Variants in KIF1A observed in about 807,000 individuals in gnomAD.
The protein encoded by KIF1A is kinesin family member 1A, also known as kinesin-like protein KIF1A.
A neutral mutation model predicts 227.3 loss-of-function variants in KIF1A; 46 were observed. The observed-to-expected ratio is 0.20, with a 90% confidence interval of 0.16 to 0.26. KIF1A has a LOEUF of 0.26. Among genes scored for constraint, KIF1A ranks in the 10% least tolerant of loss-of-function variants. KIF1A has a pLI of 1.00. For synonymous variants in KIF1A, 1,022 were observed against 1,012.8 expected, an observed-to-expected ratio of 1.01 and a Z score of -0.17; for missense variants, 1,683 against 2,485.9, an observed-to-expected ratio of 0.68 and a Z score of 6.87.
intron 38 of KIF1A, among the ~76,000 whole-genome samples, chr2:240,730,389 A>T (rs954973466): frequency 1.3e-5 from 2 of 152,142 alleles, no homozygotes; most frequent in Non-Finnish European, 2.9e-5. Flanking sequence ...AAACTGGAGG[A>T]TGTGGGCTGG....
rs2125874702 is a variant in KIF1A, at chr2:240,758,341, G to A, written c.2582+19C>T. On this transcript the variant is annotated intron_variant, in intron 26 of 48. Coordinates refer to ENST00000498729, the MANE Select transcript of KIF1A (RefSeq NM_001244008.2). This position sits in a 1 kb window ranked among gnomAD's most constrained non-coding sequence, Gnocchi z 5.2. ...TCTCTCAATCTCTCTCTCTGCCAAG[G>A]AAGGGAGGAGGCGCCCACCTGCCCA... is the stretch of plus-strand genomic sequence containing the variant. The A allele has an allele frequency of 5.0e-6, 8 of 1,604,548 alleles. No homozygotes were observed. The highest frequency in any genetic ancestry group is 6.8e-6 in the Non-Finnish European group (8 of 1,175,426).
intron 28 of KIF1A, among the ~76,000 whole-genome samples, chr2:240,748,321 C>T (rs536849103): frequency 5.9e-5 from 9 of 152,276 alleles, no homozygotes; most frequent in African/African-American, 1.9e-4. Context: ...TTGCACTGAG[C>T]TTGAACTCGG....
chr2:240,731,119 G>C (rs2046549942), intron 38 of KIF1A, among the ~76,000 whole-genome samples: 1 of 152,252 alleles, frequency 6.6e-6, no homozygotes, highest in Non-Finnish European at 1.5e-5. Context: ...GATCCACACA[G>C]AGACAGGAGA....
At chr2:240,794,101 A>T (rs2056083669) in intron 2 of KIF1A, among the ~76,000 whole-genome samples, 1 of 152,148 alleles carries the variant, frequency 6.6e-6, no homozygotes. Context: ...GTCTGGGGGC[A>T]GGTCAGCCCT....
intron 32 of KIF1A, among the ~76,000 whole-genome samples, chr2:240,744,818 G>C (rs748013440): frequency 6.6e-6 from 1 of 151,960 alleles, no homozygotes; most frequent in African/African-American, 2.4e-5. Flanking sequence ...GAGTCTCCAG[G>C]TTATCACCCC....
At chr2:240,756,774 G>A (rs1048528757) in intron 27 of KIF1A, among the ~76,000 whole-genome samples, 22 of 152,224 alleles carry the variant, frequency 1.4e-4, no homozygotes, top group Middle Eastern at 3.2e-3. Flanking sequence ...AAAGAGAGTG[G>A]AGAGCACTGA....
intron 28 of KIF1A, among the ~76,000 whole-genome samples, chr2:240,748,906 A>G (rs1384478759): frequency 6.6e-6 from 1 of 152,136 alleles, no homozygotes; most frequent in Non-Finnish European, 1.5e-5. Flanking sequence ...AGATTACTTG[A>G]GGTCAGGAGT....
intron 1 of KIF1A, among the ~76,000 whole-genome samples, chr2:240,808,219 C>T (rs2057580182): frequency 1.3e-5 from 2 of 151,798 alleles, no homozygotes; most frequent in South Asian, 4.2e-4. Context: ...CTGTCATTAT[C>T]TGCAGACCAT....
chr2:240,787,626 C>G (rs762232705), intron 4 of KIF1A, among the ~76,000 whole-genome samples: 3 of 152,332 alleles, frequency 2.0e-5, no homozygotes, highest in South Asian at 4.1e-4. Context: ...CAACTCACGT[C>G]CAGAGACCTG....
At chr2:240,800,704 G>A (rs1282125037) in intron 1 of KIF1A, among the ~76,000 whole-genome samples, 1 of 152,172 alleles carries the variant, frequency 6.6e-6, no homozygotes, top group Non-Finnish European at 1.5e-5. Context: ...CAAATTCTGA[G>A]GATATGAGAG....
At position 240,757,560 on chromosome 2, in the gene KIF1A, G is replaced by A. The variant is rs2050011882; in HGVS notation, c.2617C>T (p.Leu873Phe). ...ATGCGCTCGCTCATGCATGTGTTGA[G>A]AAGAGGGTAGCTGTTGCAGCCAGAG... ...AISGCNSYPL[L>F]NTCMSERMAA... The change falls in exon 27 of 49, where the codon CTC becomes TTC. Residue 873 changes from leucine to phenylalanine, a missense_variant. Around this residue, in one of 12 missense-constraint regions of KIF1A, gnomAD observed 759 missense variants for 1,020.2 expected, o/e 0.74. Transcript: ENST00000498729. This position sits in a 1 kb window ranked among gnomAD's most constrained non-coding sequence, Gnocchi z 6.2. 1.9e-6 allele frequency: 3 copies of A among 1,548,814 alleles called. No individual in the cohort carries two copies. Among genetic ancestry groups the A allele is most frequent in the African/African-American group, 2.7e-5 (2 of 72,984 alleles).
At chr2:240,761,522 G>A (rs1291882148) in intron 23 of KIF1A, 145 bp from the exon 24 acceptor site, 2 of 662,990 alleles carry the variant, frequency 3.0e-6, no homozygotes, top group Non-Finnish European at 4.6e-6. Flanking sequence ...CGGCCGGGTG[G>A]TTATCAGGTA....
chr2:240,750,750 G>T (rs1040947063), intron 27 of KIF1A, among the ~76,000 whole-genome samples: 1 of 152,192 alleles, frequency 6.6e-6, no homozygotes, highest in African/African-American at 2.4e-5. Flanking sequence ...GAGGTGGAGG[G>T]ACAGAGAGGA....
intron 10 of KIF1A, among the ~76,000 whole-genome samples, chr2:240,780,060 G>A (rs1355100713): frequency 6.6e-6 from 1 of 151,952 alleles, no homozygotes; most frequent in Admixed American, 6.6e-5. Flanking sequence ...GGGGGCTCAC[G>A]TGGCTCCTCT....
intron 8 of KIF1A, 48 bp from the exon 9 acceptor site, chr2:240,783,157 G>A (rs374610417): frequency 6.4e-5 from 92 of 1,442,722 alleles, no homozygotes; most frequent in African/African-American, 1.4e-5. Flanking sequence ...GACCCGTGGG[G>A]CCTCCTGCTC....
In KIF1A at chr2:240,736,497, C is replaced by T. The variant is rs560477003; in HGVS notation, c.4007+566G>A. On this transcript the variant is annotated intron_variant, in intron 38 of 48. Transcript: ENST00000498729. This position sits in a 1 kb window ranked among gnomAD's most constrained non-coding sequence, Gnocchi z 4.7. ...CCCATCCCCTAACCCCAGCAGACCC[C>T]GATAGGGCTGCCACAGACATCCCAG... Among the ~76,000 whole-genome samples the T allele has an allele frequency of 1.1e-3, 165 of 152,306 alleles. No homozygotes were observed. Among genetic ancestry groups the T allele is most frequent in the African/African-American group, 3.7e-3 (155 of 41,560 alleles).
chr2:240,728,946 A>T (rs2046317354), intron 38 of KIF1A, among the ~76,000 whole-genome samples: 1 of 152,184 alleles, frequency 6.6e-6, no homozygotes, highest in South Asian at 2.1e-4. Context: ...ATGAGCTAAT[A>T]CTAGAGCACG....
chr2:240,721,676 T>C (rs1168379604), intron 44 of KIF1A, 131 bp downstream of exon 44: 2 of 759,292 alleles, frequency 2.6e-6, no homozygotes, highest in Non-Finnish European at 2.2e-6. Flanking sequence ...GGTGTCCCTC[T>C]GCACTGAGAC....
chr2:240,721,011 G>A lies in KIF1A; in HGVS notation c.4771C>T (p.Arg1591Trp), dbSNP rs201139273. ...CCTAGAGGGGACATCGACGGGTCCCGGAGCAGGGTGACAGACATCTCGGAG... is the reference window on the plus strand; with the variant it reads ...CCTAGAGGGGACATCGACGGGTCCCAGAGCAGGGTGACAGACATCTCGGAG... ...KLSEMSVTLL[R>W]DPSMSPLGVA... Residue 1591 changes from arginine (R) to tryptophan (W), a missense_variant, in exon 45 of 49, where the codon CGG becomes TGG. Around this residue, in one of 12 missense-constraint regions of KIF1A, gnomAD observed 384 missense variants for 410.1 expected, o/e 0.94. Coordinates refer to ENST00000498729, the MANE Select transcript of KIF1A (RefSeq NM_001244008.2). 1.3e-4 allele frequency: 202 copies of A among 1,611,406 alleles called. 1 individual carries two copies. The highest frequency in any genetic ancestry group is 3.3e-4 in the Middle Eastern group (2 of 6,038).
Sources: allele counts gnomAD v4.1 joint callset (sites outside exome capture counted in the v4.1 genomes callset), GRCh38; gene constraint gnomAD v4.1.1; regional missense constraint gnomAD v4.1.1; non-coding constraint Gnocchi (gnomAD v3.1); transcripts MANE v1.5; gene names NCBI Gene and HGNC (gene_info 2026-07-23, HGNC 2026-07-21).